Variants in ZNF257 observed in about 807,000 individuals in gnomAD.
The protein encoded by ZNF257 is zinc finger protein 257.
A neutral mutation model predicts 11.9 loss-of-function variants in ZNF257; 12 were observed. The observed-to-expected ratio is 1.01, with a 90% CI of 0.65 to 1.63. ZNF257 has a LOEUF of 1.63. Ranked by LOEUF, ZNF257 falls within the 40% of genes most tolerant of loss-of-function variation. The pLI is 0.00. For missense variants in ZNF257, 580 were observed against 665.5 expected (o/e 0.87, Z 1.41); for synonymous variants, 183 against 222.7 (o/e 0.82, Z 1.59).
At chr19:22,060,632 C>G (rs963464735) in intron 1 of ZNF257, 4 of 151,916 alleles carry the variant, frequency 2.6e-5, no homozygotes, top group Admixed American at 6.6e-5. Context: ...ATTACAGGTG[C>G]CCACCACCAC....
chr19:22,087,604 C>T, intron 3 of ZNF257: 1 of 1,225,832 alleles, frequency 8.2e-7, no homozygotes, highest in South Asian at 4.1e-5. Flanking sequence ...ATGTATGTGC[C>T]AATATTTTTC....
Position 22,088,930 on chromosome 19 carries a change from C to T in ZNF257, c.1180C>T (p.His394Tyr). 1 of 1,612,120 alleles carries T rather than the reference C, an allele frequency of 6.2e-7. No homozygotes were observed. The highest frequency in any genetic ancestry group is 8.5e-7 in the Non-Finnish European group (1 of 1,179,184). Residue 394 changes from histidine (H) to tyrosine (Y), a missense_variant, in exon 4 of 4, where the codon CAT becomes TAT. Physicochemically the swap from His to Tyr is moderately conservative, Grantham distance 83. Transcript: ENST00000594947. ...SSHLTKHKRI[H>Y]TREKAYKCDE... The stretch of plus-strand genomic sequence containing the variant: ...ACACCTTACTAAACATAAGAGAATT[C>T]ATACTAGAGAGAAGGCCTACAAATG...
chr19:22,073,448 T>C, intron 2 of ZNF257, 21 bp from the exon 3 acceptor site: 1 of 1,597,712 alleles, frequency 6.3e-7, no homozygotes, highest in Non-Finnish European at 8.5e-7. Context: ...AAGATGCGTG[T>C]TACTTATTTT....
intron 3 of ZNF257, among the ~76,000 whole-genome samples, chr19:22,081,694 G>A (rs1332849278): frequency 6.6e-6 from 1 of 151,766 alleles, no homozygotes; most frequent in East Asian, 1.9e-4. Context: ...CACCCTGCTA[G>A]TTTTTTTGTA....
chr19:22,069,010 G>T (rs1324689993), intron 1 of ZNF257, among the ~76,000 whole-genome samples: 1 of 152,162 alleles, frequency 6.6e-6, no homozygotes, highest in Non-Finnish European at 1.5e-5. Flanking sequence ...CAGTGTAAGA[G>T]AAATGGGTCA....
intron 3 of ZNF257, among the ~76,000 whole-genome samples, chr19:22,082,307 T>G (rs1248838445): frequency 6.6e-6 from 1 of 152,184 alleles, no homozygotes; most frequent in African/African-American, 2.4e-5. Context: ...CATATGATGC[T>G]GTGCGAATTT....
chr19:22,085,226 A>G (rs972784119), intron 3 of ZNF257, among the ~76,000 whole-genome samples: 1 of 149,432 alleles, frequency 6.7e-6, no homozygotes, highest in Non-Finnish European at 1.5e-5. Flanking sequence ...CTAATTTTGT[A>G]TTTTCAGTAG....
rs187850191 is a variant in ZNF257 at position 22,070,349 on chromosome 19, A to C, written c.4-2460A>C. ...ATTCTATACATTTTATAAAAAATTA[A>C]TGACAGAGAAACTATAAAAATTAAA... On this transcript the variant is annotated intron_variant, in intron 1 of 3. Transcript: ENST00000594947. Among the ~76,000 whole-genome samples, 50 of 152,286 alleles carry C rather than the reference A, an allele frequency of 3.3e-4. No homozygotes were observed. In the East Asian group the frequency reaches 9.4e-3, roughly 29 times the overall value.
chr19:22,073,693 G>A (rs1164460712), intron 3 of ZNF257, 129 bp downstream of exon 3: 4 of 1,267,110 alleles, frequency 3.2e-6, no homozygotes, highest in Non-Finnish European at 3.2e-6. Flanking sequence ...GGAAGCCTGA[G>A]TTTGCATTTT....
At position 22,072,848 on chromosome 19, in the gene ZNF257, C is replaced by G; in HGVS notation, c.43C>G (p.Leu15Val). 6.2e-7 allele frequency: 1 copy of G among 1,613,334 alleles called. No homozygotes were observed. The highest frequency in any genetic ancestry group is 8.5e-7 in the Non-Finnish European group (1 of 1,179,638). ...TIRDVTVEFS[L>V]EEWHCLDTAQ... ...TAGGGATGTGACTGTAGAATTCTCT[C>G]TGGAGGAGTGGCATTGCCTGGACAC... The change falls in exon 2 of 4, where the codon CTG becomes GTG. Residue 15 changes from leucine (L) to valine (V), a missense_variant. Physicochemically the swap from Leu to Val is conservative, Grantham distance 32. Transcript: ENST00000594947.
chr19:22,089,589 A>T lies in ZNF257; in HGVS notation c.*147A>T. On this transcript the variant is annotated 3_prime_UTR_variant, in exon 4 of 4. Coordinates refer to ENST00000594947, the MANE Select transcript of ZNF257 (RefSeq NM_033468.4). ...TTTTAACAAATCCTCAACATTTACT[A>T]AGCATAAAATAATTCATGCTGGAGA... The T allele has an allele frequency of 6.9e-7, 1 of 1,456,972 alleles. No individual in the cohort carries two copies. Among genetic ancestry groups the T allele is most frequent in the East Asian group, 2.5e-5 (1 of 40,076 alleles). 90.3% of individuals were successfully genotyped at this position (1,456,972 alleles called of 1,614,324 possible). A position where few individuals can be genotyped will look rare whatever the true frequency, so the allele number is the denominator to read the frequency against.
chr19:22,055,912 G>A (rs574647909), intron 1 of ZNF257, among the ~76,000 whole-genome samples: 1 of 151,980 alleles, frequency 6.6e-6, no homozygotes, highest in South Asian at 2.1e-4. Flanking sequence ...AAAATTAGCC[G>A]GGCGATGTAG....
chr19:22,062,341 G>T (rs951234763), intron 1 of ZNF257, among the ~76,000 whole-genome samples: 2 of 151,516 alleles, frequency 1.3e-5, no homozygotes, highest in Non-Finnish European at 2.9e-5. Flanking sequence ...GACCAGGCTG[G>T]TCTTGAACTC....
intron 3 of ZNF257, among the ~76,000 whole-genome samples, chr19:22,078,111 G>A (rs2022272857): frequency 6.6e-6 from 1 of 151,240 alleles, no homozygotes; most frequent in African/African-American, 2.4e-5. Context: ...GGTGGCGGGC[G>A]CCTGTAGTCC....
At position 22,088,899 on chromosome 19, in the gene ZNF257, G is replaced by A; in HGVS notation, c.1149G>A (p.Arg383=). The part of the protein sequence containing the change: ...KCEECGKAFN[R]SSHLTKHKRI... Reference sequence around the variant, plus strand: ...AAGAGTGTGGAAAAGCCTTTAACCGGTCTTCACACCTTACTAAACATAAGA... The same window carrying A: ...AAGAGTGTGGAAAAGCCTTTAACCGATCTTCACACCTTACTAAACATAAGA... The change falls in exon 4 of 4, where the codon CGG becomes CGA. Residue 383 remains arginine (R), a synonymous_variant. Transcript: ENST00000594947. 6.2e-7 allele frequency: 1 copy of A among 1,612,022 alleles called. No individual in the cohort carries two copies. The highest frequency in any genetic ancestry group is 8.5e-7 in the Non-Finnish European group (1 of 1,178,812).
chr19:22,058,499 C>CT (rs2021703567), intron 1 of ZNF257, among the ~76,000 whole-genome samples: 1 of 152,122 alleles, frequency 6.6e-6, no homozygotes, highest in Non-Finnish European at 1.5e-5. Flanking sequence ...TACTGTGGTA[C>CT]TGAGCCCTGA....
In ZNF257 at chr19:22,072,810, G is replaced by A. The variant is rs774587076; in HGVS notation, c.5G>A (p.Gly2Glu). Residue 2 changes from glycine to glutamate, a missense_variant and splice_region_variant, in exon 2 of 4, where the codon GGA (glycine) becomes GAA (glutamate). Coordinates refer to ENST00000594947, the MANE Select transcript of ZNF257 (RefSeq NM_033468.4). Reference protein sequence around the residue: MGPLTIRDVTVE... With the variant: MEPLTIRDVTVE... ...TGTCTGTGTTTGTGTGTTTTTCAGGGACCACTGACAATTAGGGATGTGACT... is the reference window on the plus strand; with the variant it reads ...TGTCTGTGTTTGTGTGTTTTTCAGGAACCACTGACAATTAGGGATGTGACT... The A allele has an allele frequency of 6.2e-7, 1 of 1,609,394 alleles. No homozygotes were observed. Among genetic ancestry groups the A allele is most frequent in the Non-Finnish European group, 8.5e-7 (1 of 1,178,174 alleles).
chr19:22,088,914 T>G lies in ZNF257; in HGVS notation c.1164T>G (p.Thr388=). 1.2e-6 allele frequency: 2 copies of G among 1,612,182 alleles called. No individual in the cohort carries two copies. Among genetic ancestry groups the G allele is most frequent in the Non-Finnish European group, 1.7e-6 (2 of 1,178,798 alleles). Residue 388 remains threonine, a synonymous_variant, in exon 4 of 4, where the codon ACT becomes ACG. Transcript: ENST00000594947. Reference sequence around the variant, plus strand: ...CCTTTAACCGGTCTTCACACCTTACTAAACATAAGAGAATTCATACTAGAG... The same window carrying G: ...CCTTTAACCGGTCTTCACACCTTACGAAACATAAGAGAATTCATACTAGAG... The part of the protein sequence containing the change: ...GKAFNRSSHL[T]KHKRIHTREK...
In ZNF257 at chr19:22,088,835, A is replaced by C. The variant is rs199724469; in HGVS notation, c.1085A>C (p.His362Pro). 6.2e-7 allele frequency: 1 copy of C among 1,613,596 alleles called. No individual in the cohort carries two copies. The highest frequency in any genetic ancestry group is 2.2e-5 in the East Asian group (1 of 44,814). ...AFNRSSHLTQ[H>P]KIIHTKEKPY... ...AACCGGTCTTCACACCTTACTCAACATAAGATAATTCATACTAAAGAGAAA... is the reference window on the plus strand; with the variant it reads ...AACCGGTCTTCACACCTTACTCAACCTAAGATAATTCATACTAAAGAGAAA... The change falls in exon 4 of 4, where the codon CAT becomes CCT. Residue 362 changes from histidine to proline, a missense_variant. By Grantham distance (77) the His-to-Pro change is moderately conservative. Coordinates refer to ENST00000594947, the MANE Select transcript of ZNF257 (RefSeq NM_033468.4).
Sources: allele counts gnomAD v4.1 joint callset (sites outside exome capture counted in the v4.1 genomes callset), GRCh38; gene constraint gnomAD v4.1.1; transcripts MANE v1.5; gene names NCBI Gene and HGNC (gene_info 2026-07-23, HGNC 2026-07-21).